The following MZT1 variants were observed in gnomAD, a reference collection of about 807,000 sequenced individuals.
MZT1 encodes the protein mitotic-spindle organizing protein 1.
MZT1 carries 8 observed loss-of-function variants against 8.5 expected under a neutral mutation model. The ratio of observed to expected loss-of-function variants is 0.94; its 90% CI spans 0.55 to 1.70. MZT1 has a LOEUF of 1.70. Among genes scored for constraint, MZT1 ranks in the 40% most tolerant of loss-of-function variants. The probability of loss-of-function intolerance (pLI) is 0.00; values close to 1 mark genes in which losing one functional copy is unlikely to be tolerated. For missense variants in MZT1, 93 were observed against 108.6 expected (o/e 0.86, Z 0.64); for synonymous variants, 38 against 42.0 (o/e 0.90, Z 0.37).
intron 2 of MZT1, among the ~76,000 whole-genome samples, chr13:72,714,831 G>A (rs2032519186): frequency 6.6e-6 from 1 of 152,210 alleles, no homozygotes; most frequent in South Asian, 2.1e-4. Flanking sequence ...AGGATATATG[G>A]AAAAGCCTGG....
chr13:72,722,326 C>A (rs1309563962), intron 1 of MZT1, among the ~76,000 whole-genome samples: 1 of 152,170 alleles, frequency 6.6e-6, no homozygotes, highest in Non-Finnish European at 1.5e-5. Context: ...AAAGGATACA[C>A]TTAGAATGGT....
At position 72,710,012 on chromosome 13, in the gene MZT1, TAGAC is replaced by T. The variant is rs1215306474; in HGVS notation, c.*306_*309del. 1.8e-5 allele frequency: 6 copies of T among 341,550 alleles called. No homozygotes were observed. Among genetic ancestry groups the T allele is most frequent in the Admixed American group, 4.6e-5 (1 of 21,730 alleles). 21.2% of individuals were successfully genotyped at this position (341,550 alleles called of 1,614,324 possible). A position where few individuals can be genotyped will look rare whatever the true frequency, so the allele number is the denominator to read the frequency against. The stretch of plus-strand genomic sequence containing the variant: ...TGGCACAGCAGATGTGCACATCTGA[TAGAC>T]AGACTGCTTAGAAAATTAAAGCTAT... On this transcript the variant is annotated 3_prime_UTR_variant, in exon 3 of 3. Transcript: ENST00000377818.
At chr13:72,716,812 A>G (rs1190962140) in intron 2 of MZT1, among the ~76,000 whole-genome samples, 1 of 152,230 alleles carries the variant, frequency 6.6e-6, no homozygotes, top group Non-Finnish European at 1.5e-5. Context: ...GTTAATTTGA[A>G]TTGGAAAAAA....
rs542235806 is a variant in MZT1, at chr13:72,718,616, T to A, written c.225+336A>T. Among the ~76,000 whole-genome samples the A allele has an allele frequency of 7.2e-5, 11 of 152,238 alleles. No homozygotes were observed. In the South Asian group the frequency reaches 2.3e-3, roughly 32 times the overall value. On this transcript the variant is annotated intron_variant, in intron 2 of 2. Transcript: ENST00000377818. Reference sequence around the variant, plus strand: ...CCTCAGCCTCCCAAGTAGCTGGGACTACAGGTGCCCACCACCACGCCTGGC... The same window carrying A: ...CCTCAGCCTCCCAAGTAGCTGGGACAACAGGTGCCCACCACCACGCCTGGC...
At chr13:72,723,321 T>A (rs1171596896) in intron 1 of MZT1, among the ~76,000 whole-genome samples, 1 of 152,234 alleles carries the variant, frequency 6.6e-6, no homozygotes, top group Non-Finnish European at 1.5e-5. Flanking sequence ...TCGCCTGTAA[T>A]CAAAAACTAT....
intron 2 of MZT1, among the ~76,000 whole-genome samples, chr13:72,715,543 A>G (rs889531350): frequency 1.3e-5 from 2 of 152,164 alleles, no homozygotes; most frequent in African/African-American, 2.4e-5. Context: ...ATCCCCACCC[A>G]AATTTCACCT....
intron 2 of MZT1, among the ~76,000 whole-genome samples, chr13:72,717,343 T>C (rs867564063): frequency 1.7e-5 from 1 of 59,916 alleles, no homozygotes; most frequent in African/African-American, 5.2e-5. Flanking sequence ...CTTTCTTTTT[T>C]TTTTTTTTTT....
rs531398330 is a variant in MZT1 at position 72,708,523 on chromosome 13, C to T, written c.*1799G>A. On this transcript the variant is annotated 3_prime_UTR_variant, in exon 3 of 3. Transcript: ENST00000377818. ...ACTTTAAAGAAGTCCTCTGTAAACA[C>T]GATCCCTTCTCAATATATTTTCCTG... 7.2e-5 allele frequency: 11 copies of T among 152,470 alleles called. No individual in the cohort carries two copies. The highest frequency in any genetic ancestry group is 5.9e-4 in the Admixed American group (9 of 15,248). The allele number at this position is 152,470 out of a possible 1,614,324, so 9.4% of individuals were successfully genotyped here. A position where few individuals can be genotyped will look rare whatever the true frequency, so the allele number is the denominator to read the frequency against.
At chr13:72,721,243 T>C (rs2032590907) in intron 1 of MZT1, among the ~76,000 whole-genome samples, 1 of 152,240 alleles carries the variant, frequency 6.6e-6, no homozygotes, top group South Asian at 2.1e-4. Flanking sequence ...TTAGATCTGT[T>C]AGGCAGGACC....
intron 2 of MZT1, among the ~76,000 whole-genome samples, chr13:72,714,759 T>C (rs2138008517): frequency 6.6e-6 from 1 of 152,314 alleles, no homozygotes; most frequent in East Asian, 1.9e-4. Flanking sequence ...TCATGTGGTG[T>C]CAAGCCTGTG....
chr13:72,723,562 G>A lies in MZT1; in HGVS notation c.79+3962C>T, dbSNP rs117416030. ...ATTACCTTCAGGCTATGTGTATAAG[G>A]TATATATAAAACATACAAGAATTCT... On this transcript the variant is annotated intron_variant, in intron 1 of 2. Coordinates refer to ENST00000377818, the MANE Select transcript of MZT1 (RefSeq NM_001071775.3). 6.6e-5 allele frequency among the ~76,000 whole-genome samples: 10 copies of A among 152,096 alleles called. No homozygotes were observed. The East Asian group carries it at 1.9e-3, about 29-fold the overall frequency.
chr13:72,719,237 T>C (rs1192406107), intron 1 of MZT1, 140 bp from the exon 2 acceptor site: 1 of 588,988 alleles, frequency 1.7e-6, no homozygotes. Context: ...AATCTGCATG[T>C]AATACTTTCT....
chr13:72,713,802 G>T (rs530505295), intron 2 of MZT1, among the ~76,000 whole-genome samples: 1 of 152,212 alleles, frequency 6.6e-6, no homozygotes, highest in African/African-American at 2.4e-5. Flanking sequence ...TTCAGATTTT[G>T]GAGCATGTTG....
intron 1 of MZT1, among the ~76,000 whole-genome samples, chr13:72,723,745 G>A (rs1395562442): frequency 6.6e-6 from 1 of 152,162 alleles, no homozygotes; most frequent in Non-Finnish European, 1.5e-5. Flanking sequence ...TGCTACTGCT[G>A]CAAATACAGT....
chr13:72,722,452 C>T (rs1038726817), intron 1 of MZT1, among the ~76,000 whole-genome samples: 4 of 152,084 alleles, frequency 2.6e-5, no homozygotes, highest in African/African-American at 9.7e-5. Context: ...TTTCCTTTTC[C>T]ATGTTAGTTG....
chr13:72,715,950 T>G (rs1216744580), intron 2 of MZT1, among the ~76,000 whole-genome samples: 1 of 152,132 alleles, frequency 6.6e-6, no homozygotes, highest in African/African-American at 2.4e-5. Context: ...GAAGTCTTCC[T>G]CTGTTGCCCA....
At position 72,727,607 on chromosome 13, in the gene MZT1, A is replaced by T; in HGVS notation, c.-5T>A. 1 of 1,592,888 alleles carries T rather than the reference A, an allele frequency of 6.3e-7. No individual in the cohort carries two copies. Among genetic ancestry groups the T allele is most frequent in the Non-Finnish European group, 8.6e-7 (1 of 1,169,482 alleles). On this transcript the variant is annotated 5_prime_UTR_variant, in exon 1 of 3. Coordinates refer to ENST00000377818, the MANE Select transcript of MZT1 (RefSeq NM_001071775.3). Reference sequence around the variant, plus strand: ...AGCACCGCTGCTACTCGCCATGGCTAAGGCCGAGGGAGGCGGGAGAAGGGC... The same window carrying T: ...AGCACCGCTGCTACTCGCCATGGCTTAGGCCGAGGGAGGCGGGAGAAGGGC...
intron 2 of MZT1, among the ~76,000 whole-genome samples, chr13:72,717,337 CTTTTTTT>C (rs1172063809): frequency 3.6e-5 from 4 of 110,976 alleles, no homozygotes; most frequent in Middle Eastern, 4.5e-3. Context: ...CTGTCACTTT[CTTTTTTT>C]TTTTTTTTTT....
chr13:72,726,587 T>C lies in MZT1; in HGVS notation c.79+937A>G, dbSNP rs188792530. 2.6e-5 allele frequency among the ~76,000 whole-genome samples: 4 copies of C among 152,190 alleles called. No homozygotes were observed. In the East Asian group the frequency reaches 7.7e-4, roughly 29 times the overall value. ...AACAACATCGATCAAACACTCATAATACAGGTGGATGTGAGTAAAAAGGAG... is the reference window on the plus strand; with the variant it reads ...AACAACATCGATCAAACACTCATAACACAGGTGGATGTGAGTAAAAAGGAG... On this transcript the variant is annotated intron_variant, in intron 1 of 2. Transcript: ENST00000377818.
Sources: gnomAD v4.1 joint callset for allele counts (sites outside exome capture counted in the v4.1 genomes callset) on GRCh38, gnomAD v4.1.1 for gene constraint, MANE v1.5 for transcripts, NCBI Gene and HGNC (gene_info 2026-07-23, HGNC 2026-07-21) for gene names.